The following HTR2C variants were observed in gnomAD, a reference collection of about 807,000 sequenced individuals.
The protein encoded by HTR2C is 5-hydroxytryptamine receptor 2C.
HTR2C carries 5 observed loss-of-function variants against 21.0 expected under a neutral mutation model. The observed-to-expected ratio is 0.24, with a 90% CI of 0.12 to 0.50. The LOEUF (loss-of-function observed/expected upper bound fraction) is 0.50, where lower values mean the gene tolerates loss of function less well. Ranked by LOEUF, HTR2C falls within the 20% of genes least tolerant of loss-of-function variation. The pLI is 0.98. For missense variants in HTR2C, 271 were observed against 371.2 expected, an observed-to-expected ratio of 0.73 and a Z score of 2.22; for synonymous variants, 150 against 145.3, an observed-to-expected ratio of 1.03 and a Z score of -0.23.
At chrX:114,721,497 G>T (rs1270142620) in intron 2 of HTR2C, among the ~76,000 whole-genome samples, 1,310 of 91,677 alleles carry the variant, frequency 0.014, 13 homozygotes, top group Non-Finnish European at 0.023. Context: ...AGTTTCTTTT[G>T]CTGTGCAGAA....
intron 4 of HTR2C, chrX:114,775,810 G>T: frequency 2.5e-6 from 1 of 403,864 alleles, no homozygotes; most frequent in South Asian, 3.4e-5. Context: ...TGTCTAGTTT[G>T]ACATCTCGAA....
chrX:114,877,325 GTTCT>G (rs1410660731), intron 5 of HTR2C, among the ~76,000 whole-genome samples: 1 of 110,437 alleles, frequency 9.1e-6, no homozygotes, highest in Non-Finnish European at 1.9e-5. Flanking sequence ...ATTTATTTGA[GTTCT>G]TTCTCTCTCT....
chrX:114,854,817 A>G (rs1311959618), intron 5 of HTR2C, among the ~76,000 whole-genome samples: 1 of 111,782 alleles, frequency 8.9e-6, no homozygotes, highest in Non-Finnish European at 1.9e-5. Flanking sequence ...TTTGCAAACT[A>G]TACATCCAAC....
At chrX:114,856,813 C>T (rs1459430558) in intron 5 of HTR2C, among the ~76,000 whole-genome samples, 2 of 111,488 alleles carry the variant, frequency 1.8e-5, no homozygotes, top group Non-Finnish European at 3.8e-5. Flanking sequence ...AATACAATAA[C>T]TTCTTGTACA....
At chrX:114,614,078 A>G (rs1928854795) in intron 2 of HTR2C, among the ~76,000 whole-genome samples, 197 bp downstream of exon 2, 1 of 110,822 alleles carries the variant, frequency 9.0e-6, no homozygotes, top group African/African-American at 3.3e-5. Context: ...CCTGAAAAAA[A>G]AAAACTCGGC....
At chrX:114,709,177 T>G (rs1556418896) in intron 2 of HTR2C, among the ~76,000 whole-genome samples, 1 of 112,189 alleles carries the variant, frequency 8.9e-6, no homozygotes, top group Non-Finnish European at 1.9e-5. Flanking sequence ...TCTTTGTTGT[T>G]AATTGTGGCT....
At chrX:114,691,408 A>G (rs1352996469) in intron 2 of HTR2C, among the ~76,000 whole-genome samples, 1 of 111,961 alleles carries the variant, frequency 8.9e-6, no homozygotes, top group East Asian at 2.8e-4. Flanking sequence ...GAGAGATGCA[A>G]TTTAGAAAGG....
chrX:114,768,359 A>C (rs1556435937), intron 4 of HTR2C, among the ~76,000 whole-genome samples: 1 of 111,327 alleles, frequency 9.0e-6, no homozygotes, highest in Non-Finnish European at 1.9e-5. Flanking sequence ...ATTTTAACTT[A>C]CTATACAATT....
chrX:114,746,925 C>T (rs1239040840), intron 4 of HTR2C, among the ~76,000 whole-genome samples: 2 of 110,847 alleles, frequency 1.8e-5, no homozygotes, highest in Admixed American at 1.9e-4. Flanking sequence ...GGGGAGCTTG[C>T]AGTGAGCCGA....
chrX:114,753,457 A>G (rs1556428761), intron 4 of HTR2C, among the ~76,000 whole-genome samples: 1 of 111,729 alleles, frequency 9.0e-6, no homozygotes, highest in African/African-American at 3.2e-5. Flanking sequence ...CATTGCAATA[A>G]GGCAAAAAGA....
chrX:114,663,638 G>T (rs1313211490), intron 2 of HTR2C, among the ~76,000 whole-genome samples: 1 of 111,421 alleles, frequency 9.0e-6, no homozygotes, highest in African/African-American at 3.3e-5. Context: ...GAAACAGCAG[G>T]GCTGTTTTCC....
At chrX:114,876,239 T>C (rs1474311676) in intron 5 of HTR2C, among the ~76,000 whole-genome samples, 1 of 110,401 alleles carries the variant, frequency 9.1e-6, no homozygotes, top group East Asian at 2.8e-4. Context: ...ATGCAACTGA[T>C]TTTTGTATGT....
At chrX:114,836,354 C>T (rs374258968) in intron 4 of HTR2C, among the ~76,000 whole-genome samples, 3 of 112,086 alleles carry the variant, frequency 2.7e-5, no homozygotes, top group Admixed American at 1.9e-4. Context: ...TAGCAATCAG[C>T]GAGACTCCGT....
At chrX:114,781,296 G>A (rs2070114443) in intron 4 of HTR2C, among the ~76,000 whole-genome samples, 1 of 110,421 alleles carries the variant, frequency 9.1e-6, no homozygotes, top group Admixed American at 9.7e-5. Flanking sequence ...TGACCAGCCC[G>A]GATAACATAA....
At position 114,609,678 on chromosome X, in the gene HTR2C, TAAAG is replaced by T. The variant is rs782814023; in HGVS notation, c.-146-4135_-146-4132del. 8.0e-5 allele frequency among the ~76,000 whole-genome samples: 9 copies of T among 111,961 alleles called. No individual in the cohort carries two copies. The South Asian group carries it at 3.3e-3, about 41-fold the overall frequency. On this transcript the variant is annotated intron_variant, in intron 1 of 5. Coordinates refer to ENST00000276198, the MANE Select transcript of HTR2C (RefSeq NM_000868.4). Reference sequence around the variant, plus strand: ...GGAAAGTTAAGAAAATTTAAATAAATAAAGAGGATGAGGCAAGGGGATATGTATG... The same window carrying T: ...GGAAAGTTAAGAAAATTTAAATAAATAGGATGAGGCAAGGGGATATGTATG...
intron 4 of HTR2C, among the ~76,000 whole-genome samples, chrX:114,813,565 C>T (rs1256195621): frequency 8.9e-6 from 1 of 111,853 alleles, no homozygotes; most frequent in Non-Finnish European, 1.9e-5. Flanking sequence ...TACTCTGCTA[C>T]CAGACAGAAG....
intron 5 of HTR2C, among the ~76,000 whole-genome samples, chrX:114,892,684 C>T (rs1222631161): frequency 2.7e-5 from 3 of 109,435 alleles, no homozygotes; most frequent in Non-Finnish European, 5.7e-5. Flanking sequence ...ATATAGTACC[C>T]TTAGAAAATA....
intron 2 of HTR2C, among the ~76,000 whole-genome samples, chrX:114,640,353 G>C (rs1930049221): frequency 3.8e-5 from 1 of 26,302 alleles, no homozygotes; most frequent in African/African-American, 1.2e-4. Flanking sequence ...TTAATGATTA[G>C]AAATAAGGGA....
chrX:114,822,600 A>G (rs1253306266), intron 4 of HTR2C, among the ~76,000 whole-genome samples: 1 of 112,520 alleles, frequency 8.9e-6, no homozygotes, highest in Non-Finnish European at 1.9e-5. Flanking sequence ...CCATGCACTC[A>G]TAGGTAAAGT....
Sources: gnomAD v4.1 joint callset for allele counts (sites outside exome capture counted in the v4.1 genomes callset) on GRCh38, gnomAD v4.1.1 for gene constraint, MANE v1.5 for transcripts, NCBI Gene and HGNC (gene_info 2026-07-23, HGNC 2026-07-21) for gene names.